The following SNTG1 variants were observed in gnomAD, a reference collection of about 807,000 sequenced individuals.
SNTG1 encodes the protein gamma-1-syntrophin.
A neutral mutation model predicts 74.7 loss-of-function variants in SNTG1; 39 were observed. The observed-to-expected ratio is 0.52, with a 90% confidence interval of 0.40 to 0.68. SNTG1 has a LOEUF of 0.68. Among genes scored for constraint, SNTG1 ranks in the 30% least tolerant of loss-of-function variants. The pLI is 0.00. For missense variants in SNTG1, 685 were observed against 609.5 expected (o/e 1.12, Z -1.30); for synonymous variants, 254 against 217.1 (o/e 1.17, Z -1.49).
chr8:50,491,925 C>T (rs2093859620), intron 8 of SNTG1, among the ~76,000 whole-genome samples: 1 of 151,442 alleles, frequency 6.6e-6, no homozygotes, highest in Non-Finnish European at 1.5e-5. Context: ...GTGATGTTCC[C>T]CTTCCTATGT....
chr8:50,751,490 G>C lies in SNTG1; in HGVS notation c.1285-511G>C, dbSNP rs570407900. ...TTTGTAGAATATGTTTCTGAAAGAG[G>C]CTCTACTTTCCAAGATATTACAGAC... On this transcript the variant is annotated intron_variant, in intron 17 of 18. Coordinates refer to ENST00000642720, the MANE Select transcript of SNTG1 (RefSeq NM_018967.5). Among the ~76,000 whole-genome samples, 7 of 152,118 alleles carry C rather than the reference G, an allele frequency of 4.6e-5. No homozygotes were observed. In the South Asian group the frequency reaches 1.2e-3, roughly 27 times the overall value.
At chr8:50,705,270 C>T (rs2095439534) in intron 16 of SNTG1, among the ~76,000 whole-genome samples, 1 of 152,142 alleles carries the variant, frequency 6.6e-6, no homozygotes, top group South Asian at 2.1e-4. Flanking sequence ...CTACAACTAT[C>T]CTGTTCAAAC....
intron 1 of SNTG1, among the ~76,000 whole-genome samples, chr8:50,103,040 C>A (rs1270746769): frequency 6.6e-6 from 1 of 151,680 alleles, no homozygotes; most frequent in South Asian, 2.1e-4. Context: ...CTTGGCGATG[C>A]GGGCTCTTTT....
intron 9 of SNTG1, among the ~76,000 whole-genome samples, chr8:50,527,041 G>T (rs2094226520): frequency 6.6e-6 from 1 of 152,062 alleles, no homozygotes; most frequent in South Asian, 2.1e-4. Context: ...CCATTCTATT[G>T]AGTGTGCAGT....
intron 2 of SNTG1, among the ~76,000 whole-genome samples, chr8:50,198,455 T>C (rs1333702629): frequency 6.6e-6 from 1 of 152,120 alleles, no homozygotes; most frequent in Non-Finnish European, 1.5e-5. Flanking sequence ...CAGAAGATTT[T>C]TCTCCAGCCT....
At chr8:50,053,083 T>A (rs75199261) in intron 1 of SNTG1, among the ~76,000 whole-genome samples, 4,677 of 152,178 alleles carry the variant, frequency 0.031, 110 homozygotes, top group Non-Finnish European at 0.051. Context: ...CGTCCCATAT[T>A]CACCCAAGAT....
intron 1 of SNTG1, among the ~76,000 whole-genome samples, chr8:49,943,211 G>T (rs1267946607): frequency 1.3e-5 from 2 of 152,182 alleles, no homozygotes; most frequent in Non-Finnish European, 2.9e-5. Flanking sequence ...ATTTGCCAAA[G>T]GACACACACC....
At chr8:50,738,408 G>C (rs2095534411) in intron 17 of SNTG1, among the ~76,000 whole-genome samples, 1 of 152,116 alleles carries the variant, frequency 6.6e-6, no homozygotes, top group African/African-American at 2.4e-5. Flanking sequence ...AGAAGTAAGA[G>C]AGGACACAAA....
intron 2 of SNTG1, among the ~76,000 whole-genome samples, chr8:50,391,050 A>G (rs917992309): frequency 7.2e-5 from 11 of 152,160 alleles, no homozygotes; most frequent in Non-Finnish European, 1.6e-4. Flanking sequence ...TTCCAAATTG[A>G]GTACCCTTTA....
chr8:50,171,967 G>C (rs983985753), intron 1 of SNTG1, among the ~76,000 whole-genome samples: 2 of 151,942 alleles, frequency 1.3e-5, no homozygotes, highest in African/African-American at 4.8e-5. Context: ...GTTCATGAGG[G>C]GCCAAGTAAC....
chr8:50,036,157 A>G (rs2130786145), intron 1 of SNTG1, among the ~76,000 whole-genome samples: 1 of 152,348 alleles, frequency 6.6e-6, no homozygotes, highest in South Asian at 2.1e-4. Flanking sequence ...GCACAAGAAT[A>G]TGCATTGAAT....
intron 2 of SNTG1, among the ~76,000 whole-genome samples, chr8:50,259,035 C>T (rs756188014): frequency 1.3e-4 from 19 of 151,994 alleles, no homozygotes; most frequent in Admixed American, 7.9e-4. Context: ...AGAAGAAAAT[C>T]GTAAAAAGAT....
Position 50,709,167 on chromosome 8 carries a change from G to A in SNTG1, c.1284+189G>A, listed in dbSNP as rs1429165361. Reference sequence around the variant, plus strand: ...AGTTTGAATTTTTAATAAAACATATGTAGTACCACAAAACTATAACTATGT... The same window carrying A: ...AGTTTGAATTTTTAATAAAACATATATAGTACCACAAAACTATAACTATGT... On this transcript the variant is annotated intron_variant, in intron 17 of 18. Coordinates refer to ENST00000642720, the MANE Select transcript of SNTG1 (RefSeq NM_018967.5). 7.1e-6 allele frequency: 4 copies of A among 565,594 alleles called. No homozygotes were observed. The South Asian group carries it at 7.2e-5, about 10-fold the overall frequency. The allele number at this position is 565,594 out of a possible 1,614,324, so 35.0% of individuals were successfully genotyped here.
intron 2 of SNTG1, among the ~76,000 whole-genome samples, chr8:50,387,594 G>T (rs1010364434): frequency 2.0e-5 from 3 of 152,078 alleles, no homozygotes; most frequent in Non-Finnish European, 2.9e-5. Flanking sequence ...GCTTAGTGGG[G>T]CAATATCAAT....
chr8:50,549,192 A>G (rs1357599138), intron 11 of SNTG1, among the ~76,000 whole-genome samples: 1 of 152,196 alleles, frequency 6.6e-6, no homozygotes, highest in Non-Finnish European at 1.5e-5. Context: ...GTATCTAAAC[A>G]GCTTAGGTTT....
rs1802814393 is a variant in SNTG1, at chr8:50,796,409, A to G, written c.*3580A>G. ...TCTTACTACCGAATACTTTAAAATCATAATGCCACTTATTTGCACATTTGA... is the reference window on the plus strand; with the variant it reads ...TCTTACTACCGAATACTTTAAAATCGTAATGCCACTTATTTGCACATTTGA... On this transcript the variant is annotated 3_prime_UTR_variant, in exon 19 of 19. Transcript: ENST00000642720. 6.6e-6 allele frequency: 1 copy of G among 151,996 alleles called. No homozygotes were observed. The highest frequency in any genetic ancestry group is 1.5e-5 in the Non-Finnish European group (1 of 67,922). The allele number at this position is 151,996 out of a possible 1,614,324, so 9.4% of individuals were successfully genotyped here.
intron 13 of SNTG1, among the ~76,000 whole-genome samples, chr8:50,620,823 G>A (rs1236658930): frequency 2.0e-5 from 3 of 152,168 alleles, no homozygotes; most frequent in African/African-American, 7.2e-5. Context: ...TGGGAAAGAA[G>A]TATAAGAAGG....
intron 2 of SNTG1, among the ~76,000 whole-genome samples, chr8:50,371,335 A>T (rs551566314): frequency 6.6e-6 from 1 of 152,340 alleles, no homozygotes; most frequent in East Asian, 1.9e-4. Flanking sequence ...GGCCTCAGCA[A>T]GCCCTGAAGG....
chr8:49,994,216 G>T (rs1159366032), intron 1 of SNTG1, among the ~76,000 whole-genome samples: 3 of 150,234 alleles, frequency 2.0e-5, no homozygotes. Flanking sequence ...TTATCCACAT[G>T]ATATTGGGTA....
Sources: allele counts gnomAD v4.1 joint callset (sites outside exome capture counted in the v4.1 genomes callset), GRCh38; gene constraint gnomAD v4.1.1; transcripts MANE v1.5; gene names NCBI Gene and HGNC (gene_info 2026-07-23, HGNC 2026-07-21).